Variants in TENM2 observed in about 807,000 individuals in gnomAD.
TENM2 encodes the protein teneurin-2.
A neutral mutation model predicts 245.2 loss-of-function variants in TENM2; 52 were observed. The ratio of observed to expected loss-of-function variants is 0.21; its 90% CI spans 0.17 to 0.27. The LOEUF (loss-of-function observed/expected upper bound fraction) is 0.27, where lower values mean the gene tolerates loss of function less well. Ranked by LOEUF, TENM2 falls within the 10% of genes least tolerant of loss-of-function variation. TENM2 has a pLI of 1.00. For synonymous variants in TENM2, 1,363 were observed against 1,438.9 expected (o/e 0.95, Z 1.19); for missense variants, 3,046 against 3,666.8 (o/e 0.83, Z 4.37).
chr5:167,950,855 CT>C (rs1186482114), intron 3 of TENM2, among the ~76,000 whole-genome samples: 7 of 152,148 alleles, frequency 4.6e-5, no homozygotes, highest in African/African-American at 1.7e-4. Context: ...TAAAATGTCA[CT>C]GATGCATAAT....
chr5:167,966,436 G>A (rs548345545), intron 4 of TENM2, among the ~76,000 whole-genome samples: 1 of 152,280 alleles, frequency 6.6e-6, no homozygotes, highest in South Asian at 2.1e-4. Context: ...CTCAGAAAAA[G>A]AATTGAGCAT....
the TENM2 span, among the ~76,000 whole-genome samples, chr5:167,141,334 ATGAT>A: frequency 6.6e-6 from 1 of 152,252 alleles, no homozygotes; most frequent in Admixed American, 6.5e-5. Context: ...CTTGATGGAA[ATGAT>A]TGTGTAGGGC....
intron 2 of TENM2, among the ~76,000 whole-genome samples, chr5:167,648,035 C>G (rs1006876635): frequency 6.6e-6 from 1 of 152,202 alleles, no homozygotes; most frequent in Non-Finnish European, 1.5e-5. Context: ...CGATGTATCC[C>G]TATGTGCAAA....
the TENM2 span, among the ~76,000 whole-genome samples, chr5:167,039,805 A>G: frequency 4.6e-5 from 7 of 152,296 alleles, no homozygotes; most frequent in South Asian, 1.5e-3. Flanking sequence ...CCTTGAGTAT[A>G]GAATAAATAA....
At chr5:167,233,341 G>GCC in the TENM2 span, among the ~76,000 whole-genome samples, 1 of 151,832 alleles carries the variant, frequency 6.6e-6, no homozygotes. Flanking sequence ...GAAGATAGCG[G>GCC]CCCCCCTTCT....
chr5:167,606,330 T>A (rs1333175715), intron 2 of TENM2, among the ~76,000 whole-genome samples: 1 of 151,858 alleles, frequency 6.6e-6, no homozygotes, highest in East Asian at 1.9e-4. Context: ...CATGGTCAGG[T>A]TTTTGATGCC....
At chr5:167,734,091 TG>T (rs1314757695) in intron 2 of TENM2, among the ~76,000 whole-genome samples, 1 of 152,190 alleles carries the variant, frequency 6.6e-6, no homozygotes, top group Admixed American at 6.5e-5. Flanking sequence ...TGATGGACTT[TG>T]GGGATTTTCT....
chr5:167,464,579 G>A (rs1357740037), intron 2 of TENM2, among the ~76,000 whole-genome samples: 1 of 152,044 alleles, frequency 6.6e-6, no homozygotes, highest in African/African-American at 2.4e-5. Flanking sequence ...TTGCTATTTA[G>A]TATTACTTAT....
chr5:167,798,134 A>G (rs1478220229), intron 2 of TENM2, among the ~76,000 whole-genome samples: 1 of 152,214 alleles, frequency 6.6e-6, no homozygotes, highest in Non-Finnish European at 1.5e-5. Context: ...ATTCAAGTTT[A>G]CTCAGCTAGA....
chr5:168,101,714 C>T (rs1295732121), intron 9 of TENM2, among the ~76,000 whole-genome samples: 2 of 152,202 alleles, frequency 1.3e-5, no homozygotes, highest in Admixed American at 6.5e-5. Context: ...AGCTGTTGCA[C>T]ACAGTGGACA....
At position 168,081,594 on chromosome 5, in the gene TENM2, C is replaced by T. The variant is rs550961273; in HGVS notation, c.1516-8980C>T. Among the ~76,000 whole-genome samples, 303 of 148,404 alleles carry T rather than the reference C, an allele frequency of 2.0e-3. 2 individuals are homozygous for T. Among genetic ancestry groups the T allele is most frequent in the African/African-American group, 7.2e-3 (291 of 40,524 alleles). On this transcript the variant is annotated intron_variant, in intron 7 of 28. Coordinates refer to ENST00000518659, the Ensembl canonical transcript of TENM2. ...TGGTTGTTCCTTTCCATGTTTAGTG[C>T]TTCCTTCAGGAGCTCTTGTAAGGCA...
intron 2 of TENM2, among the ~76,000 whole-genome samples, chr5:167,857,863 G>A (rs1456549313): frequency 1.3e-5 from 2 of 152,282 alleles, no homozygotes; most frequent in Admixed American, 6.5e-5. Context: ...TACTGGAGAG[G>A]AGTGTTATCT....
the TENM2 span, among the ~76,000 whole-genome samples, chr5:167,048,304 C>T: frequency 5.9e-5 from 9 of 152,228 alleles, no homozygotes; most frequent in South Asian, 6.2e-4. Flanking sequence ...TAGTAACCTA[C>T]AATAAATTTG....
At chr5:168,118,185 C>A in intron 9 of TENM2, 107 bp from the exon 12 acceptor site, 2 of 875,878 alleles carry the variant, frequency 2.3e-6, no homozygotes, top group Non-Finnish European at 3.4e-6. Flanking sequence ...CAGCCTAGAA[C>A]ACTGTAAGCC....
chr5:167,694,751 G>A (rs1214768488), intron 2 of TENM2, among the ~76,000 whole-genome samples: 1 of 152,122 alleles, frequency 6.6e-6, no homozygotes, highest in Admixed American at 6.6e-5. Flanking sequence ...GTTGTGGTAA[G>A]TGCGTTAAGT....
chr5:168,248,200 A>C (rs1384693156), exon 27 of TENM2: 1 of 1,613,900 alleles, frequency 6.2e-7, no homozygotes, highest in Non-Finnish European at 8.5e-7. Context: ...CCCCCTGACC[A>C]AGCTGGTCCA....
At chr5:168,099,639 T>TG (rs1793647753) in intron 9 of TENM2, among the ~76,000 whole-genome samples, 1 of 152,226 alleles carries the variant, frequency 6.6e-6, no homozygotes, top group Non-Finnish European at 1.5e-5. Flanking sequence ...CAATCATTAA[T>TG]AAAGCTGCTC....
At chr5:167,653,823 A>G (rs993212604) in intron 2 of TENM2, 1 of 152,254 alleles carries the variant, frequency 6.6e-6, no homozygotes, top group African/African-American at 2.4e-5. Context: ...GGGCTTTTGA[A>G]GAAACCACTG....
intron 2 of TENM2, among the ~76,000 whole-genome samples, chr5:167,536,227 T>G (rs1332549622): frequency 6.6e-6 from 1 of 152,036 alleles, no homozygotes; most frequent in Non-Finnish European, 1.5e-5. Flanking sequence ...ATACAAAATT[T>G]TTATCATAAT....
Sources: allele counts gnomAD v4.1 joint callset (sites outside exome capture counted in the v4.1 genomes callset), GRCh38; gene constraint gnomAD v4.1.1; transcripts MANE v1.5; gene names NCBI Gene and HGNC (gene_info 2026-07-23, HGNC 2026-07-21).